Variants in AP3B2 observed in about 807,000 individuals in gnomAD.
The protein encoded by AP3B2 is adaptor related protein complex 3 subunit beta 2.
A neutral mutation model predicts 126.9 loss-of-function variants in AP3B2; 50 were observed. The ratio of observed to expected loss-of-function variants is 0.39; its 90% CI spans 0.31 to 0.50. AP3B2 has a LOEUF of 0.50. Ranked by LOEUF, AP3B2 falls within the 20% of genes least tolerant of loss-of-function variation. The pLI, the probability that AP3B2 is intolerant of heterozygous loss-of-function variation, is 0.79. For synonymous variants in AP3B2, 541 were observed against 565.0 expected (o/e 0.96, Z 0.60); for missense variants, 1,177 against 1,426.4 (o/e 0.83, Z 2.82).
intron 1 of AP3B2, among the ~76,000 whole-genome samples, chr15:82,708,419 CCT>C (rs746403372): frequency 7.1e-4 from 108 of 151,750 alleles, no homozygotes; most frequent in African/African-American, 2.2e-3. Context: ...ATCTTCTCCC[CCT>C]GTCCCTCTAA....
chr15:82,680,041 G>C lies in AP3B2; in HGVS notation c.1110+134C>G. On this transcript the variant is annotated intron_variant, in intron 9 of 26. Transcript: ENST00000535359. This position sits in a 1 kb window ranked among gnomAD's most constrained non-coding sequence, Gnocchi z 6.1. ...CCTATCTGTATTTGGAGCCTCCCCT[G>C]CCCCATCCTCTGCACAGCCAGGGTA... 1 of 1,300,272 alleles carries C rather than the reference G, an allele frequency of 7.7e-7. No homozygotes were observed. The highest frequency in any genetic ancestry group is 1.5e-5 in the African/African-American group (1 of 68,688). The allele number at this position is 1,300,272 out of a possible 1,614,324, so 80.5% of individuals were successfully genotyped here.
At chr15:82,672,103 T>C (rs921690649) in intron 14 of AP3B2, among the ~76,000 whole-genome samples, 1 of 152,194 alleles carries the variant, frequency 6.6e-6, no homozygotes, top group Non-Finnish European at 1.5e-5. Flanking sequence ...CCCAATGCTA[T>C]GTATATACCC....
chr15:82,678,045 G>C, intron 11 of AP3B2, 60 bp downstream of exon 11: 1 of 1,573,440 alleles, frequency 6.4e-7, no homozygotes, highest in Non-Finnish European at 8.7e-7. Context: ...TTACCCACCA[G>C]GGCACAAGGA....
Position 82,665,412 on chromosome 15 carries a change from CA to C in AP3B2, c.1971+44del, listed in dbSNP as rs2048037691. ...ACACACACACACACACACACACACA[CA>C]CACACACACACACACACACACTTCA... On this transcript the variant is annotated intron_variant, in intron 16 of 26. Coordinates refer to ENST00000535359, the MANE Select transcript of AP3B2 (RefSeq NM_001278512.2). This position sits in a 1 kb window ranked among gnomAD's most constrained non-coding sequence, Gnocchi z 4.4. 1 of 781,562 alleles carries C rather than the reference CA, an allele frequency of 1.3e-6. No homozygotes were observed. Among genetic ancestry groups the C allele is most frequent in the East Asian group, 4.2e-5 (1 of 23,860 alleles). The allele number at this position is 781,562 out of a possible 1,614,324, so 48.4% of individuals were successfully genotyped here. A position where few individuals can be genotyped will look rare whatever the true frequency, so the allele number is the denominator to read the frequency against.
chr15:82,662,385 G>T, intron 23 of AP3B2, 133 bp from the exon 24 acceptor site: 1 of 760,708 alleles, frequency 1.3e-6, no homozygotes, highest in Non-Finnish European at 2.2e-6. Context: ...GGCTTTCTTG[G>T]CTGCTGGAGA....
chr15:82,691,414 C>A (rs147724864), intron 1 of AP3B2, among the ~76,000 whole-genome samples: 1 of 152,116 alleles, frequency 6.6e-6, no homozygotes, highest in East Asian at 1.9e-4. Flanking sequence ...CAGAATGGGC[C>A]AACTCAGTCA....
At chr15:82,678,014 C>T in intron 11 of AP3B2, 91 bp downstream of exon 11, 1 of 1,479,332 alleles carries the variant, frequency 6.8e-7, no homozygotes, top group Non-Finnish European at 9.3e-7. Context: ...TTTCTCCAGC[C>T]TTGGGCTCAT....
chr15:82,687,143 C>T (rs1011464099), intron 4 of AP3B2: 3 of 152,146 alleles, frequency 2.0e-5, no homozygotes, highest in African/African-American at 4.8e-5. Context: ...GGAGTGAGGT[C>T]CCTATCAGAA....
At chr15:82,661,154 G>A (rs1196113344) in intron 25 of AP3B2, among the ~76,000 whole-genome samples, 1 of 151,990 alleles carries the variant, frequency 6.6e-6, no homozygotes, top group Non-Finnish European at 1.5e-5. Flanking sequence ...TTCTGTCCTT[G>A]GCCTTCCTAT....
chr15:82,665,647 G>A lies in AP3B2; in HGVS notation c.1853-72C>T, dbSNP rs1001225162. On this transcript the variant is annotated intron_variant, in intron 15 of 26. Coordinates refer to ENST00000535359, the MANE Select transcript of AP3B2 (RefSeq NM_001278512.2). This position sits in a 1 kb window ranked among gnomAD's most constrained non-coding sequence, Gnocchi z 4.4. ...GCTCTGGGAGCTGTTTTCCAGGTGG[G>A]GCTGGGTGGTGATTCTGGTTGGGAC... 3.1e-6 allele frequency: 4 copies of A among 1,287,252 alleles called. No homozygotes were observed. The highest frequency in any genetic ancestry group is 2.3e-5 in the East Asian group (1 of 42,998). 79.7% of individuals were successfully genotyped at this position (1,287,252 alleles called of 1,614,324 possible).
intron 1 of AP3B2, chr15:82,692,048 C>T: frequency 6.7e-7 from 1 of 1,483,696 alleles, no homozygotes; most frequent in South Asian, 1.2e-5. Flanking sequence ...GAAACAAGAA[C>T]TCGGAAATCA....
At chr15:82,695,769 T>C (rs531742328) in intron 1 of AP3B2, among the ~76,000 whole-genome samples, 1 of 152,326 alleles carries the variant, frequency 6.6e-6, no homozygotes, top group East Asian at 1.9e-4. Flanking sequence ...TTATAGCCAG[T>C]TGGTCAGAAG....
In AP3B2 at chr15:82,677,759, G is replaced by T. The variant is rs776046492; in HGVS notation, c.1290C>A (p.Ile430=). Residue 430 remains isoleucine, a synonymous_variant, in exon 12 of 27, where the codon ATC becomes ATA. Transcript: ENST00000535359. ...SMDKDFVAAT[I]QAIGRCATNI... ...TAGTTGCACAGCGTCCAATGGCCTG[G>T]ATTGTGGCTGCCACAAAGTCCTTGT... 1 of 1,612,460 alleles carries T rather than the reference G, an allele frequency of 6.2e-7. No homozygotes were observed. The highest frequency in any genetic ancestry group is 1.3e-5 in the African/African-American group (1 of 75,028).
chr15:82,703,817 C>T (rs1016422626), intron 1 of AP3B2, among the ~76,000 whole-genome samples: 2 of 152,040 alleles, frequency 1.3e-5, no homozygotes, highest in South Asian at 2.1e-4. Context: ...AGCGTCGCTG[C>T]GTCTTTTCAA....
At chr15:82,699,081 A>G (rs8040488) in intron 1 of AP3B2, 23,775 of 152,604 alleles carry the variant, frequency 0.16, 1,987 homozygotes, top group Non-Finnish European at 0.2. Flanking sequence ...ATTATCTCCC[A>G]TAGTCAGATC....
chr15:82,690,642 C>CTTTTTTTTTTTTTTT (rs147811093), intron 1 of AP3B2, among the ~76,000 whole-genome samples: 3 of 68,926 alleles, frequency 4.4e-5, no homozygotes, highest in African/African-American at 1.3e-4. Context: ...TTTTCTTCTT[C>CTTTTTTTTTTTTTTT]TTTTTTTTTT....
rs1450058167 is a variant in AP3B2, at chr15:82,680,447, G to A, written c.1055+25C>T. 1 of 1,460,582 alleles carries A rather than the reference G, an allele frequency of 6.8e-7. No homozygotes were observed. The highest frequency in any genetic ancestry group is 9.0e-7 in the Non-Finnish European group (1 of 1,109,108). 90.5% of individuals were successfully genotyped at this position (1,460,582 alleles called of 1,614,324 possible). A position where few individuals can be genotyped will look rare whatever the true frequency, so the allele number is the denominator to read the frequency against. On this transcript the variant is annotated intron_variant, in intron 8 of 26. Transcript: ENST00000535359. This position sits in a 1 kb window ranked among gnomAD's most constrained non-coding sequence, Gnocchi z 6.1. ...GGGGCGGGGCAGGAGGCGAGGGAGG[G>A]GGCGGGGCTGGGGGCGGAGCGCACC...
intron 4 of AP3B2, chr15:82,685,139 C>T (rs898823160): frequency 6.6e-6 from 1 of 152,118 alleles, no homozygotes; most frequent in African/African-American, 2.4e-5. Context: ...TGTGGCACCC[C>T]AAAACAATTA....
chr15:82,677,540 A>C, intron 12 of AP3B2, 131 bp downstream of exon 12: 1 of 1,409,800 alleles, frequency 7.1e-7, no homozygotes, highest in Non-Finnish European at 9.6e-7. Context: ...TTGGGCCCTG[A>C]TCAAGACAGA....
Sources: allele counts gnomAD v4.1 joint callset (sites outside exome capture counted in the v4.1 genomes callset), GRCh38; gene constraint gnomAD v4.1.1; non-coding constraint Gnocchi (gnomAD v3.1); transcripts MANE v1.5; gene names NCBI Gene and HGNC (gene_info 2026-07-23, HGNC 2026-07-21).